Variants in TNRC6B observed in about 807,000 individuals in gnomAD.
TNRC6B encodes the protein trinucleotide repeat-containing gene 6B protein.
A neutral mutation model predicts 203.6 loss-of-function variants in TNRC6B; 52 were observed. The ratio of observed to expected loss-of-function variants is 0.26; its 90% confidence interval spans 0.20 to 0.32. The LOEUF is 0.32. Ranked by LOEUF, TNRC6B falls within the 10% of genes least tolerant of loss-of-function variation. The pLI is 1.00. For synonymous variants in TNRC6B, 838 were observed against 845.7 expected, an observed-to-expected ratio of 0.99 and a Z score of 0.16; for missense variants, 1,923 against 2,286.2, an observed-to-expected ratio of 0.84 and a Z score of 3.24.
chr22:40,266,312 C>T lies in TNRC6B; in HGVS notation c.2082C>T (p.Asn694=), dbSNP rs373461461. 1.3e-6 allele frequency: 2 copies of T among 1,597,336 alleles called. No individual in the cohort carries two copies. Among genetic ancestry groups the T allele is most frequent in the Non-Finnish European group, 1.7e-6 (2 of 1,171,630 alleles). The change falls in exon 5 of 23, where the codon AAC becomes AAT. Residue 694 remains asparagine (N), a synonymous_variant. Transcript: ENST00000454349. The part of the protein sequence containing the change: ...SASTEWKDPK[N]TGGWNDYKNN... ...CTACAGAGTGGAAAGACCCCAAGAA[C>T]ACAGGAGGCTGGAATGACTACAAGA... is the stretch of plus-strand genomic sequence containing the variant.
At chr22:40,065,008 T>C (rs1485863619) in intron 1 of TNRC6B, among the ~76,000 whole-genome samples, 1 of 151,948 alleles carries the variant, frequency 6.6e-6, no homozygotes, top group Non-Finnish European at 1.5e-5. Context: ...TAATGGTCTA[T>C]AGCATTGTTT....
chr22:40,286,157 T>G (rs1190575886), intron 12 of TNRC6B, among the ~76,000 whole-genome samples: 1 of 152,200 alleles, frequency 6.6e-6, no homozygotes, highest in East Asian at 1.9e-4. Context: ...CTGGTTGCCC[T>G]CAAGGATTCA....
At chr22:40,233,719 G>A (rs137893967) in intron 1 of TNRC6B, among the ~76,000 whole-genome samples, 178 of 152,272 alleles carry the variant, frequency 1.2e-3, no homozygotes, top group African/African-American at 4.2e-3. Flanking sequence ...GGAAATTCAT[G>A]AAAAGCTTGG....
intron 1 of TNRC6B, among the ~76,000 whole-genome samples, chr22:40,069,643 A>G (rs1417908581): frequency 1.3e-5 from 2 of 151,620 alleles, no homozygotes; most frequent in African/African-American, 4.9e-5. Flanking sequence ...ATGTGCCACC[A>G]TGTCTGGCTA....
intron 12 of TNRC6B, among the ~76,000 whole-genome samples, chr22:40,290,968 C>T (rs2070862560): frequency 6.6e-6 from 1 of 152,146 alleles, no homozygotes; most frequent in Non-Finnish European, 1.5e-5. Flanking sequence ...CTTGTGTTCC[C>T]TCCATTTTTG....
chr22:40,225,977 G>A (rs2069780205), intron 1 of TNRC6B, among the ~76,000 whole-genome samples: 1 of 152,136 alleles, frequency 6.6e-6, no homozygotes, highest in Non-Finnish European at 1.5e-5. Context: ...TGTTGGCTTA[G>A]TTGTTATCAA....
Position 40,322,848 on chromosome 22 carries a change from T to C in TNRC6B, c.5115-6T>C, listed in dbSNP as rs753556472. 5.6e-6 allele frequency: 9 copies of C among 1,613,770 alleles called. No individual in the cohort carries two copies. Among genetic ancestry groups the C allele is most frequent in the Non-Finnish European group, 7.6e-6 (9 of 1,179,872 alleles). On this transcript the variant is annotated splice_region_variant and splice_polypyrimidine_tract_variant and intron_variant, in intron 22 of 22. Coordinates refer to ENST00000454349, the MANE Select transcript of TNRC6B (RefSeq NM_001162501.2). ...TCCATAGCTCTCTTTCCCTCCCTTC[T>C]TCCAGGTGTGTGTTGGGAAACACTA...
chr22:40,053,590 T>C (rs1313240275), intron 1 of TNRC6B, among the ~76,000 whole-genome samples: 1 of 152,246 alleles, frequency 6.6e-6, no homozygotes, highest in Admixed American at 6.5e-5. Context: ...GACTACATTA[T>C]ATCATGTTTC....
chr22:40,142,787 A>T (rs896349368), intron 3 of TNRC6B, among the ~76,000 whole-genome samples: 2 of 152,190 alleles, frequency 1.3e-5, no homozygotes, highest in East Asian at 1.9e-4. Flanking sequence ...TTTGAACCTA[A>T]AGTATAAGAC....
In TNRC6B at chr22:40,170,799, ATACATATATG is replaced by A. The variant is rs1166654443; in HGVS notation, c.113+14629_113+14638del. On this transcript the variant is annotated intron_variant, in intron 4 of 23. Coordinates refer to the TNRC6B transcript ENST00000301923. ...TATATGTACATATATGTGTGTATAT[ATACATATATG>A]TACATATATGTGTGTGTATATACAT... is the stretch of plus-strand genomic sequence containing the variant. Among the ~76,000 whole-genome samples the A allele has an allele frequency of 8.4e-5, 5 of 59,446 alleles. 1 individual carries two copies. Among genetic ancestry groups the A allele is most frequent in the Admixed American group, 1.6e-4 (1 of 6,360 alleles). The allele number at this position is 59,446 out of a possible 152,430, so 39.0% of individuals were successfully genotyped here.
chr22:40,050,570 C>T (rs1418419123), intron 1 of TNRC6B, among the ~76,000 whole-genome samples: 1 of 152,164 alleles, frequency 6.6e-6, no homozygotes, highest in African/African-American at 2.4e-5. Flanking sequence ...CAGAAAGGCC[C>T]TCCTTTATGC....
intron 4 of TNRC6B, among the ~76,000 whole-genome samples, chr22:40,169,130 C>A (rs115404039): frequency 9.1e-6 from 1 of 109,670 alleles, no homozygotes. Context: ...TTGGAATCTT[C>A]TTTTTTTTTT....
intron 1 of TNRC6B, among the ~76,000 whole-genome samples, chr22:40,233,797 A>T (rs1242902772): frequency 6.6e-6 from 1 of 152,110 alleles, no homozygotes; most frequent in East Asian, 1.9e-4. Context: ...ACGTTCTTTT[A>T]CTCACTTGAC....
chr22:40,145,200 T>A (rs1184950564), intron 3 of TNRC6B, among the ~76,000 whole-genome samples: 2 of 152,106 alleles, frequency 1.3e-5, no homozygotes, highest in African/African-American at 4.8e-5. Flanking sequence ...GAGTCATAAT[T>A]GTGCCGTTGC....
chr22:40,178,015 T>G lies in TNRC6B; in HGVS notation c.-121T>G. The G allele has an allele frequency of 6.4e-7, 1 of 1,558,934 alleles. No individual in the cohort carries two copies. Among genetic ancestry groups the G allele is most frequent in the African/African-American group, 1.4e-5 (1 of 72,416 alleles). On this transcript the variant is annotated 5_prime_UTR_variant, in exon 1 of 23. Transcript: ENST00000454349. Reference sequence around the variant, plus strand: ...ATGGCCGACAGAGTCTCTGCTGGTTTCTGAATATTTAAAATACAAAAAAAC... The same window carrying G: ...ATGGCCGACAGAGTCTCTGCTGGTTGCTGAATATTTAAAATACAAAAAAAC...
intron 12 of TNRC6B, among the ~76,000 whole-genome samples, chr22:40,297,145 AGTT>A (rs1464916033): frequency 6.6e-6 from 1 of 152,224 alleles, no homozygotes; most frequent in Non-Finnish European, 1.5e-5. Context: ...AGAACAATAT[AGTT>A]GTTGTACTCT....
intron 1 of TNRC6B, among the ~76,000 whole-genome samples, chr22:40,062,284 T>C (rs1335164596): frequency 2.0e-5 from 3 of 152,178 alleles, no homozygotes; most frequent in Non-Finnish European, 4.4e-5. Flanking sequence ...CACTGCAACC[T>C]CTGCCTTCTG....
intron 1 of TNRC6B, among the ~76,000 whole-genome samples, chr22:40,074,665 G>C (rs1417369655): frequency 6.6e-6 from 1 of 151,914 alleles, no homozygotes; most frequent in Non-Finnish European, 1.5e-5. Flanking sequence ...TATAGTCCCA[G>C]CTACCTGGGA....
At chr22:40,307,401 G>A (rs181282747) in intron 15 of TNRC6B, among the ~76,000 whole-genome samples, 99 of 152,262 alleles carry the variant, frequency 6.5e-4, no homozygotes, top group Admixed American at 1.6e-3. Context: ...TCGTGCTGCC[G>A]CTCTGCGCTC....
Sources: gnomAD v4.1 joint callset for allele counts (sites outside exome capture counted in the v4.1 genomes callset) on GRCh38, gnomAD v4.1.1 for gene constraint, MANE v1.5 for transcripts, NCBI Gene and HGNC (gene_info 2026-07-23, HGNC 2026-07-21) for gene names.